IL1RAPL2: variants seen among roughly 807,000 people sequenced by gnomAD.
IL1RAPL2 encodes interleukin 1 receptor accessory protein like 2.
In IL1RAPL2, 3 loss-of-function variants were observed where a neutral mutation model predicts 44.1. That is an observed-to-expected ratio of 0.07 (90% CI 0.03 to 0.18). The LOEUF (loss-of-function observed/expected upper bound fraction) is 0.18. IL1RAPL2 is among the 10% of genes least tolerant of loss of function. The pLI, the probability that IL1RAPL2 is intolerant of heterozygous loss-of-function variation, is 1.00. For missense variants in IL1RAPL2, 391 were observed against 496.4 expected (o/e 0.79, Z 2.02); for synonymous variants, 181 against 178.8 (o/e 1.01, Z -0.10).
At chrX:105,499,339 T>C (rs1348123452) in intron 6 of IL1RAPL2, among the ~76,000 whole-genome samples, 1 of 111,085 alleles carries the variant, frequency 9.0e-6, no homozygotes, top group African/African-American at 3.3e-5. Flanking sequence ...GTGACCTTTT[T>C]TTAATGTGAC....
chrX:105,750,446 T>C lies in IL1RAPL2; in HGVS notation c.1192+1343T>C, dbSNP rs1349398449. The stretch of plus-strand genomic sequence containing the variant: ...ATGCCACCATGCCTGGCCAATTTAT[T>C]ATTATTATTATTATTATTATTATTA... On this transcript the variant is annotated intron_variant, in intron 9 of 10. Transcript: ENST00000372582. Among the ~76,000 whole-genome samples the C allele has an allele frequency of 1.1e-4, 11 of 97,452 alleles. 1 individual carries two copies. The Admixed American group carries it at 1.2e-3, about 11-fold the overall frequency. The allele number at this position is 97,452 out of a possible 115,157, so 84.6% of individuals were successfully genotyped here. A position where few individuals can be genotyped will look rare whatever the true frequency, so the allele number is the denominator to read the frequency against.
intron 5 of IL1RAPL2, among the ~76,000 whole-genome samples, chrX:105,437,323 C>A (rs1343609277): frequency 9.1e-6 from 1 of 110,082 alleles, no homozygotes; most frequent in Non-Finnish European, 1.9e-5. Context: ...ACTTTACAAG[C>A]AATGCTACAA....
intron 2 of IL1RAPL2, among the ~76,000 whole-genome samples, chrX:105,174,190 C>T (rs2033452104): frequency 9.0e-6 from 1 of 111,366 alleles, no homozygotes; most frequent in Non-Finnish European, 1.9e-5. Flanking sequence ...CTCCCTTGTT[C>T]CTTCTCTCAA....
chrX:105,411,433 A>G (rs1209366440), intron 5 of IL1RAPL2, among the ~76,000 whole-genome samples: 2 of 111,718 alleles, frequency 1.8e-5, no homozygotes, highest in African/African-American at 6.5e-5. Flanking sequence ...TCACCTCACT[A>G]TTAAAGACAA....
intron 2 of IL1RAPL2, among the ~76,000 whole-genome samples, chrX:104,884,828 C>T (rs1923186027): frequency 9.0e-6 from 1 of 111,361 alleles, no homozygotes; most frequent in South Asian, 3.8e-4. Context: ...CCTAGCCTCC[C>T]TATAGCTCCC....
At chrX:105,209,156 A>G (rs2147618954) in intron 3 of IL1RAPL2, among the ~76,000 whole-genome samples, 1 of 112,276 alleles carries the variant, frequency 8.9e-6, no homozygotes, top group South Asian at 3.7e-4. Flanking sequence ...ATTTTTAAGC[A>G]TTTAGGGAAG....
intron 2 of IL1RAPL2, among the ~76,000 whole-genome samples, chrX:105,064,904 C>G: frequency 9.0e-6 from 1 of 111,439 alleles, no homozygotes; most frequent in Non-Finnish European, 1.9e-5. Flanking sequence ...TCCTCCTCCT[C>G]AGCTTCAAAT....
chrX:105,659,950 G>A (rs895326249), intron 6 of IL1RAPL2, among the ~76,000 whole-genome samples: 6 of 110,922 alleles, frequency 5.4e-5, no homozygotes, highest in Non-Finnish European at 1.1e-4. Flanking sequence ...GAGATATTGG[G>A]GTAGAAAGTT....
chrX:104,701,938 A>AT (rs912482511), intron 2 of IL1RAPL2, among the ~76,000 whole-genome samples: 1 of 111,603 alleles, frequency 9.0e-6, no homozygotes, highest in Non-Finnish European at 1.9e-5. Context: ...GCTGATAAAA[A>AT]TTTTTTTTGA....
chrX:104,946,321 C>T (rs1203111223), intron 2 of IL1RAPL2, among the ~76,000 whole-genome samples: 2 of 80,508 alleles, frequency 2.5e-5, no homozygotes, highest in Non-Finnish European at 4.5e-5. Context: ...TGCAGTGAGC[C>T]GAGATTGCGC....
Position 105,031,378 on chromosome X carries a change from G to T in IL1RAPL2, c.83-164097G>T, listed in dbSNP as rs2031491483. On this transcript the variant is annotated intron_variant, in intron 2 of 10. Coordinates refer to ENST00000372582, the MANE Select transcript of IL1RAPL2 (RefSeq NM_017416.2). ...CCATTCAGTATGATATTGGCTGTGG[G>T]TTTGTCATAGATAGCTCTTACTATT... Among the ~76,000 whole-genome samples, 3 of 110,440 alleles carry T rather than the reference G, an allele frequency of 2.7e-5. No homozygotes were observed. In the South Asian group the frequency reaches 1.2e-3, roughly 42 times the overall value.
At chrX:105,220,227 G>A (rs782590107) in intron 3 of IL1RAPL2, 13 of 1,211,516 alleles carry the variant, frequency 1.1e-5, no homozygotes, top group African/African-American at 3.5e-5. Flanking sequence ...TGGGCACCTC[G>A]CTGTCCTCCA....
At chrX:105,347,900 G>A (rs2035123278) in intron 5 of IL1RAPL2, among the ~76,000 whole-genome samples, 1 of 111,364 alleles carries the variant, frequency 9.0e-6, no homozygotes, top group South Asian at 3.8e-4. Context: ...CCTCTGGGGA[G>A]CAAAATTGCT....
chrX:104,743,185 C>A (rs2385674), intron 2 of IL1RAPL2, among the ~76,000 whole-genome samples: 1 of 109,591 alleles, frequency 9.1e-6, no homozygotes, highest in African/African-American at 3.3e-5. Context: ...CTCTTTACTC[C>A]GAGTGCTTCT....
chrX:104,573,376 GAA>G (rs1389351108), intron 1 of IL1RAPL2, among the ~76,000 whole-genome samples: 25 of 112,307 alleles, frequency 2.2e-4, no homozygotes, highest in Non-Finnish European at 7.5e-5. Context: ...TGTGGTCAGT[GAA>G]TACCATATTG....
At chrX:105,643,878 G>A (rs1004589513) in intron 6 of IL1RAPL2, among the ~76,000 whole-genome samples, 13 of 111,056 alleles carry the variant, frequency 1.2e-4, no homozygotes, top group African/African-American at 4.3e-4. Flanking sequence ...ATTAAAGCAA[G>A]CTTTTTTTTC....
intron 2 of IL1RAPL2, among the ~76,000 whole-genome samples, chrX:104,971,241 G>C (rs367941961): frequency 1.8e-5 from 2 of 110,735 alleles, no homozygotes; most frequent in Middle Eastern, 4.2e-3. Context: ...CCAGCTACTC[G>C]GGATGCTGAG....
chrX:104,931,464 G>A (rs1292868130), intron 2 of IL1RAPL2, among the ~76,000 whole-genome samples: 2 of 108,904 alleles, frequency 1.8e-5, no homozygotes, highest in Admixed American at 1.0e-4. Flanking sequence ...GAAAAAACAA[G>A]ATTTTTGATT....
intron 1 of IL1RAPL2, among the ~76,000 whole-genome samples, chrX:104,590,581 T>C (rs761760076): frequency 9.0e-6 from 1 of 111,607 alleles, no homozygotes; most frequent in South Asian, 3.8e-4. Flanking sequence ...AACATCTGCA[T>C]GTGACTTTCT....
Sources: allele counts gnomAD v4.1 joint callset (sites outside exome capture counted in the v4.1 genomes callset), GRCh38; gene constraint gnomAD v4.1.1; transcripts MANE v1.5; gene names NCBI Gene and HGNC (gene_info 2026-07-23, HGNC 2026-07-21).